TENM2: variants seen among roughly 807,000 people sequenced by gnomAD.
TENM2 encodes the protein teneurin-2.
TENM2 carries 52 observed loss-of-function variants against 245.2 expected under a neutral mutation model. The ratio of observed to expected loss-of-function variants is 0.21; its 90% CI spans 0.17 to 0.27. The LOEUF (loss-of-function observed/expected upper bound fraction) is 0.27. TENM2 is among the 10% of genes least tolerant of loss of function. The pLI is 1.00. For synonymous variants in TENM2, 1,363 were observed against 1,438.9 expected (o/e 0.95, Z 1.19); for missense variants, 3,046 against 3,666.8 (o/e 0.83, Z 4.37).
At chr5:167,007,945 G>A in the TENM2 span, among the ~76,000 whole-genome samples, 2 of 152,114 alleles carry the variant, frequency 1.3e-5, no homozygotes, top group African/African-American at 2.4e-5. The surrounding 1 kb of genome is among the most constrained non-coding windows in gnomAD (Gnocchi z 4.2). Flanking sequence ...GACACTGAAT[G>A]GGACCAGAGC....
chr5:167,133,522 G>C, the TENM2 span, among the ~76,000 whole-genome samples: 1 of 149,090 alleles, frequency 6.7e-6, no homozygotes, highest in Non-Finnish European at 1.5e-5. Context: ...TAGGCAGATA[G>C]AAAAGGTGTG....
At chr5:167,698,244 A>G (rs571138830) in intron 2 of TENM2, among the ~76,000 whole-genome samples, 6 of 152,162 alleles carry the variant, frequency 3.9e-5, no homozygotes, top group Non-Finnish European at 8.8e-5. Context: ...CGGTCAAAGT[A>G]CTGCATCTCT....
intron 12 of TENM2, among the ~76,000 whole-genome samples, chr5:168,150,203 A>G (rs1289625970): frequency 1.3e-5 from 2 of 152,174 alleles, no homozygotes; most frequent in Non-Finnish European, 2.9e-5. Flanking sequence ...TTGTCTAGAA[A>G]CTACCCGGTG....
chr5:167,846,649 A>G (rs1367623407), intron 2 of TENM2, among the ~76,000 whole-genome samples: 1 of 152,194 alleles, frequency 6.6e-6, no homozygotes, highest in African/African-American at 2.4e-5. Flanking sequence ...ATGCTAGAAT[A>G]TTTTAGGTTT....
rs913770761 is a variant in TENM2, at chr5:168,262,061, G to A, written c.7576G>A (p.Val2526Ile). 2.5e-6 allele frequency: 4 copies of A among 1,613,788 alleles called. No individual in the cohort carries two copies. The African/African-American group carries it at 4.0e-5, about 16-fold the overall frequency. Residue 2526 changes from valine (V) to isoleucine (I), a missense_variant, in exon 29 of 29, where the codon GTC becomes ATC. Physicochemically the swap from Val to Ile is conservative, Grantham distance 29. This residue lies in a region of TENM2 where 2,704 missense variants were observed against 3,331.9 expected (regional missense o/e 0.81). Coordinates refer to ENST00000518659, the Ensembl canonical transcript of TENM2. ...CTTATCCCCACAGCTCATTACAGGTGTCCAACAGACAACAGAGAGACATAA... is the reference window on the plus strand; with the variant it reads ...CTTATCCCCACAGCTCATTACAGGTATCCAACAGACAACAGAGAGACATAA...
chr5:167,714,139 C>T (rs1759095663), intron 2 of TENM2, among the ~76,000 whole-genome samples: 2 of 150,106 alleles, frequency 1.3e-5, no homozygotes, highest in Non-Finnish European at 3.0e-5. Context: ...TTCACAAAGC[C>T]TTCTTTATAG....
the TENM2 span, among the ~76,000 whole-genome samples, chr5:167,254,697 T>C: frequency 6.6e-6 from 1 of 152,138 alleles, no homozygotes; most frequent in East Asian, 1.9e-4. Context: ...TAATAAAAAA[T>C]GATATCTGCC....
chr5:168,047,715 G>T (rs1383549487), intron 6 of TENM2, among the ~76,000 whole-genome samples, 166 bp downstream of exon 8: 1 of 152,230 alleles, frequency 6.6e-6, no homozygotes, highest in Non-Finnish European at 1.5e-5. Context: ...AAAGCTGTTT[G>T]CTGTTCCTGT....
intron 2 of TENM2, among the ~76,000 whole-genome samples, chr5:167,494,915 T>A: frequency 6.6e-6 from 1 of 152,120 alleles, no homozygotes; most frequent in East Asian, 1.9e-4. Context: ...TAGACTATTA[T>A]GAATAATTTT....
chr5:167,444,735 T>C (rs1765063718), intron 2 of TENM2, among the ~76,000 whole-genome samples: 1 of 152,224 alleles, frequency 6.6e-6, no homozygotes, highest in African/African-American at 2.4e-5. Flanking sequence ...GTGTCTTTTC[T>C]AATCTGTAGC....
chr5:167,515,555 G>A (rs1770270270), intron 2 of TENM2, among the ~76,000 whole-genome samples: 2 of 145,098 alleles, frequency 1.4e-5, no homozygotes, highest in South Asian at 2.3e-4. Flanking sequence ...TGTCCTCGAA[G>A]AGCTTAATGT....
chr5:166,994,122 T>A, the TENM2 span, among the ~76,000 whole-genome samples: 1 of 152,204 alleles, frequency 6.6e-6, no homozygotes, highest in African/African-American at 2.4e-5. Flanking sequence ...CTCTGCACCC[T>A]GATATATCAA....
chr5:167,775,014 G>C (rs567953702), intron 2 of TENM2, among the ~76,000 whole-genome samples: 3 of 152,070 alleles, frequency 2.0e-5, no homozygotes, highest in Non-Finnish European at 4.4e-5. Flanking sequence ...TTGTTGCCCA[G>C]GCTGGAGTGC....
rs901319148 is a variant in TENM2 at position 168,253,626 on chromosome 5, C to T, written c.7432+5255C>T. Among the ~76,000 whole-genome samples, 33 of 150,368 alleles carry T rather than the reference C, an allele frequency of 2.2e-4. 1 individual carries two copies. Among genetic ancestry groups the T allele is most frequent in the Middle Eastern group, 3.5e-3 (1 of 288 alleles). ...ATTTTTAGTAGAGACGGGGTTTCAC[C>T]GTGTTAGCCAGGATGGTCTCGATCT... On this transcript the variant is annotated intron_variant, in intron 27 of 28. Transcript: ENST00000518659.
chr5:168,227,499 T>TGAA (rs1764314844), intron 24 of TENM2, among the ~76,000 whole-genome samples: 1 of 137,530 alleles, frequency 7.3e-6, no homozygotes, highest in East Asian at 2.2e-4. Context: ...GGAGGAAAAC[T>TGAA]GAAGTCATTT....
chr5:167,549,718 C>G (rs1772808192), intron 2 of TENM2, among the ~76,000 whole-genome samples: 1 of 152,064 alleles, frequency 6.6e-6, no homozygotes. Context: ...GTTATTTTAT[C>G]ATACACAGTA....
the TENM2 span, among the ~76,000 whole-genome samples, chr5:167,092,313 C>T: frequency 6.6e-6 from 1 of 151,892 alleles, no homozygotes; most frequent in African/African-American, 2.4e-5. Flanking sequence ...AAGGCTACGT[C>T]GGCAGAGTTG....
intron 15 of TENM2, among the ~76,000 whole-genome samples, chr5:168,195,746 A>T (rs1379715292): frequency 6.6e-6 from 1 of 152,000 alleles, no homozygotes; most frequent in African/African-American, 2.4e-5. Flanking sequence ...TTCTGCTTTC[A>T]TCTGTGGCTT....
At chr5:167,191,078 G>A in the TENM2 span, among the ~76,000 whole-genome samples, 1 of 151,688 alleles carries the variant, frequency 6.6e-6, no homozygotes, top group Non-Finnish European at 1.5e-5. Context: ...TTATCCTTGG[G>A]AAAAAAGAAA....
Sources: allele counts gnomAD v4.1 joint callset (sites outside exome capture counted in the v4.1 genomes callset), GRCh38; gene constraint gnomAD v4.1.1; regional missense constraint gnomAD v4.1.1; non-coding constraint Gnocchi (gnomAD v3.1); transcripts MANE v1.5; gene names NCBI Gene and HGNC (gene_info 2026-07-23, HGNC 2026-07-21).